Variants in MAGI2 observed in about 807,000 individuals in gnomAD.
The protein encoded by MAGI2 is membrane associated guanylate kinase, WW and PDZ domain containing 2, also known as membrane-associated guanylate kinase, WW and PDZ domain-containing protein 2.
MAGI2 carries 35 observed loss-of-function variants against 133.3 expected under a neutral mutation model. That is an observed-to-expected ratio of 0.26 (90% CI 0.20 to 0.35). The LOEUF (loss-of-function observed/expected upper bound fraction) is 0.35. Ranked by LOEUF, MAGI2 falls within the 10% of genes least tolerant of loss-of-function variation. The pLI is 1.00. For synonymous variants in MAGI2, 729 were observed against 710.6 expected (o/e 1.03, Z -0.41); for missense variants, 1,636 against 1,863.4 (o/e 0.88, Z 2.25).
At chr7:79,392,372 C>A (rs1844725068) in intron 1 of MAGI2, among the ~76,000 whole-genome samples, 1 of 151,962 alleles carries the variant, frequency 6.6e-6, no homozygotes, top group Non-Finnish European at 1.5e-5. Flanking sequence ...GGGTATATAC[C>A]CAGTAATGGC....
intron 1 of MAGI2, among the ~76,000 whole-genome samples, chr7:79,303,987 A>G (rs539719028): frequency 6.6e-6 from 1 of 152,280 alleles, no homozygotes; most frequent in African/African-American, 2.4e-5. Context: ...ATGATAGTCA[A>G]CAAAATTGGT....
intron 2 of MAGI2, among the ~76,000 whole-genome samples, chr7:78,637,177 T>G (rs38125): frequency 3.3e-5 from 5 of 152,186 alleles, no homozygotes; most frequent in Non-Finnish European, 5.9e-5. Context: ...TCACAGAAAA[T>G]AAGCCATCCT....
At position 79,399,079 on chromosome 7, in the gene MAGI2, C is replaced by CTTTTCTTTTTTTTT. The variant is rs1585840184; in HGVS notation, c.301+53940_301+53941insAAAAAAAAAGAAAA. Among the ~76,000 whole-genome samples the CTTTTCTTTTTTTTT allele has an allele frequency of 4.4e-3, 499 of 114,492 alleles. 29 individuals are homozygous for CTTTTCTTTTTTTTT. Among genetic ancestry groups the CTTTTCTTTTTTTTT allele is most frequent in the East Asian group, 0.027 (91 of 3,390 alleles). The allele number at this position is 114,492 out of a possible 152,430, so 75.1% of individuals were successfully genotyped here. On this transcript the variant is annotated intron_variant, in intron 1 of 21. Coordinates refer to ENST00000354212, the MANE Select transcript of MAGI2 (RefSeq NM_012301.4). ...CATCTTCAATTCACTAGTATTATTT[C>CTTTTCTTTTTTTTT]TTTTTTTTTTCTTTTCTTTTTTTTT... is the stretch of plus-strand genomic sequence containing the variant.
At chr7:79,040,770 G>A (rs958383312) in intron 1 of MAGI2, among the ~76,000 whole-genome samples, 1 of 152,046 alleles carries the variant, frequency 6.6e-6, no homozygotes, top group South Asian at 2.1e-4. Context: ...TGAAGAAGAT[G>A]CCTGCTTCTC....
intron 18 of MAGI2, among the ~76,000 whole-genome samples, chr7:78,131,416 C>G (rs908090721): frequency 1.4e-4 from 21 of 152,164 alleles, no homozygotes; most frequent in African/African-American, 5.1e-4. Context: ...GCACAGGGAA[C>G]ACAGTTTACT....
chr7:78,725,764 G>A (rs28502814), intron 2 of MAGI2, among the ~76,000 whole-genome samples: 11,449 of 152,164 alleles, frequency 0.075, 538 homozygotes, highest in African/African-American at 0.12. Context: ...GCGCCACTGC[G>A]CTCCAGCCTG....
intron 2 of MAGI2, among the ~76,000 whole-genome samples, chr7:78,634,086 A>G (rs1247379943): frequency 1.3e-5 from 2 of 152,208 alleles, no homozygotes; most frequent in Non-Finnish European, 2.9e-5. Context: ...ATAATAAAGA[A>G]AAAAAATTTA....
At chr7:78,877,827 C>T (rs57939855) in intron 2 of MAGI2, among the ~76,000 whole-genome samples, 80 of 152,286 alleles carry the variant, frequency 5.3e-4, no homozygotes, top group African/African-American at 1.8e-3. Context: ...AGGATAATTG[C>T]GTTTTTCAGA....
chr7:78,322,138 T>C (rs1044628266), intron 9 of MAGI2, among the ~76,000 whole-genome samples: 10 of 152,142 alleles, frequency 6.6e-5, no homozygotes, highest in African/African-American at 1.4e-4. Context: ...TGTGGAGAAA[T>C]AGGAACACTT....
intron 2 of MAGI2, among the ~76,000 whole-genome samples, chr7:78,727,334 G>A (rs1047172909): frequency 1.3e-5 from 2 of 152,148 alleles, no homozygotes; most frequent in Non-Finnish European, 2.9e-5. Flanking sequence ...CAATTACCTG[G>A]CCATACATTA....
At chr7:78,116,574 C>T (rs1399631339) in intron 20 of MAGI2, among the ~76,000 whole-genome samples, 4 of 152,086 alleles carry the variant, frequency 2.6e-5, no homozygotes, top group African/African-American at 9.7e-5. Flanking sequence ...TACAAATACC[C>T]CAAACATTAA....
chr7:78,530,582 C>T (rs1470379808), intron 3 of MAGI2, among the ~76,000 whole-genome samples: 1 of 152,118 alleles, frequency 6.6e-6, no homozygotes, highest in Admixed American at 6.5e-5. Context: ...AGTGTGGAAA[C>T]AGACAATACT....
chr7:78,585,900 C>T (rs538058429), intron 3 of MAGI2, among the ~76,000 whole-genome samples: 5 of 152,296 alleles, frequency 3.3e-5, no homozygotes, highest in African/African-American at 1.2e-4. Context: ...CGTAGATGAA[C>T]CCCAGAGAAT....
Position 78,573,247 on chromosome 7 carries a change from A to AAAATAT in MAGI2, c.539-51603_539-51602insATATTT, listed in dbSNP as rs1801795421. Among the ~76,000 whole-genome samples the AAAATAT allele has an allele frequency of 1.8e-4, 8 of 44,836 alleles. 1 individual carries two copies. Among genetic ancestry groups the AAAATAT allele is most frequent in the Admixed American group, 4.1e-4 (1 of 2,448 alleles). The allele number at this position is 44,836 out of a possible 152,430, so 29.4% of individuals were successfully genotyped here. On this transcript the variant is annotated intron_variant, in intron 3 of 21. Coordinates refer to ENST00000354212, the MANE Select transcript of MAGI2 (RefSeq NM_012301.4). ...ATATAAATATAAATATATATATATA[A>AAAATAT]ATATATATAAATATAAATATATATA...
At chr7:78,624,728 T>G (rs924287485) in intron 3 of MAGI2, among the ~76,000 whole-genome samples, 3 of 151,938 alleles carry the variant, frequency 2.0e-5, no homozygotes, top group Non-Finnish European at 4.4e-5. Context: ...GGATGATCTG[T>G]GCAGCAAACC....
At chr7:78,335,391 T>C (rs1789655580) in intron 9 of MAGI2, among the ~76,000 whole-genome samples, 1 of 152,188 alleles carries the variant, frequency 6.6e-6, no homozygotes, top group Non-Finnish European at 1.5e-5. Flanking sequence ...GAGAACAGAT[T>C]AGACTTTCTT....
chr7:78,214,698 G>A (rs1436145792), intron 10 of MAGI2, among the ~76,000 whole-genome samples: 1 of 152,152 alleles, frequency 6.6e-6, no homozygotes, highest in African/African-American at 2.4e-5. Flanking sequence ...CTTCCCTTAA[G>A]ACTATGGCTT....
At chr7:79,275,804 C>T (rs1226292425) in intron 1 of MAGI2, among the ~76,000 whole-genome samples, 1 of 151,928 alleles carries the variant, frequency 6.6e-6, no homozygotes, top group Middle Eastern at 3.4e-3. Flanking sequence ...AAGAATGATG[C>T]TAAATCGACT....
intron 2 of MAGI2, among the ~76,000 whole-genome samples, chr7:78,804,734 G>C (rs1348915947): frequency 9.7e-6 from 1 of 103,464 alleles, no homozygotes; most frequent in Non-Finnish European, 1.9e-5. Context: ...GGGCAACAGA[G>C]CGAGACTCTG....
Sources: allele counts gnomAD v4.1 joint callset (sites outside exome capture counted in the v4.1 genomes callset), GRCh38; gene constraint gnomAD v4.1.1; transcripts MANE v1.5; gene names NCBI Gene and HGNC (gene_info 2026-07-23, HGNC 2026-07-21).